Variants in JAKMIP1 observed in about 807,000 individuals in gnomAD.
JAKMIP1 encodes the protein janus kinase and microtubule-interacting protein 1.
Under a neutral mutation model 113.0 loss-of-function variants are expected in JAKMIP1, and 33 were observed. The observed-to-expected ratio is 0.29, with a 90% CI of 0.22 to 0.39. JAKMIP1 has a LOEUF of 0.39. Among genes scored for constraint, JAKMIP1 ranks in the 10% least tolerant of loss-of-function variants. JAKMIP1 has a pLI of 1.00. For missense variants in JAKMIP1, 813 were observed against 1,080.5 expected (o/e 0.75, Z 3.47); for synonymous variants, 480 against 459.9 (o/e 1.04, Z -0.56).
chr4:6,193,890 C>T lies in JAKMIP1; in HGVS notation c.-148+6363G>A, dbSNP rs374427550. Among the ~76,000 whole-genome samples the T allele has an allele frequency of 1.1e-4, 17 of 152,292 alleles. No homozygotes were observed. The South Asian group carries it at 1.2e-3, about 11-fold the overall frequency. On this transcript the variant is annotated intron_variant, in intron 1 of 20. Coordinates refer to ENST00000409021, the MANE Select transcript of JAKMIP1 (RefSeq NM_001099433.2). This position sits in a 1 kb window ranked among gnomAD's most constrained non-coding sequence, Gnocchi z 6.4. ...CCAACACCAGCCGCAAAGGTGAGAA[C>T]GACCCCAATGTCCATCCACAGATGA...
Position 6,042,194 on chromosome 4 carries a change from G to T in JAKMIP1, c.2062C>A (p.Leu688Met). The part of the protein sequence containing the change: ...LKQIEGTEAA[L>M]TQKMLDLEKE... ...TCCAGGTCCAGCATCTTCTGGGTCA[G>T]GGCGGCCTCGGTCCCCTCTATTTGC... Residue 688 changes from leucine to methionine, a missense_variant, in exon 17 of 21, where the codon CTG (leucine) becomes ATG (methionine). Physicochemically the swap from Leu to Met is conservative, Grantham distance 15. Transcript: ENST00000409021. This position sits in a 1 kb window ranked among gnomAD's most constrained non-coding sequence, Gnocchi z 5.2. 1 of 1,613,888 alleles carries T rather than the reference G, an allele frequency of 6.2e-7. No homozygotes were observed. The highest frequency in any genetic ancestry group is 8.5e-7 in the Non-Finnish European group (1 of 1,179,872).
chr4:6,141,901 C>T lies in JAKMIP1; in HGVS notation c.-147-28904G>A, dbSNP rs745851570. Among the ~76,000 whole-genome samples, 13 of 152,118 alleles carry T rather than the reference C, an allele frequency of 8.5e-5. No homozygotes were observed. The highest frequency in any genetic ancestry group is 2.1e-4 in the South Asian group (1 of 4,826). On this transcript the variant is annotated intron_variant, in intron 1 of 20. Coordinates refer to ENST00000409021, the MANE Select transcript of JAKMIP1 (RefSeq NM_001099433.2). The surrounding 1 kb of genome is among the most constrained non-coding windows in gnomAD (Gnocchi z 9.4). ...GCTTACGCTTCCTAAGGGCGTTAAC[C>T]GTCTCTCTCTCATTTTAAAAATCAA...
In JAKMIP1 at chr4:6,184,967, T is replaced by C. The variant is rs1646333866; in HGVS notation, c.-148+15286A>G. On this transcript the variant is annotated intron_variant, in intron 1 of 20. Coordinates refer to ENST00000409021, the MANE Select transcript of JAKMIP1 (RefSeq NM_001099433.2). The surrounding 1 kb of genome is among the most constrained non-coding windows in gnomAD (Gnocchi z 4.5). ...CTTGCTGAGTCTTCCGGCCTCCATC[T>C]TTCTCCCGTGCTGGATGCTTCCTCC... 6.6e-6 allele frequency among the ~76,000 whole-genome samples: 1 copy of C among 152,158 alleles called. No homozygotes were observed. Among genetic ancestry groups the C allele is most frequent in the African/African-American group, 2.4e-5 (1 of 41,442 alleles).
At chr4:6,144,168 C>A (rs951278023) in intron 1 of JAKMIP1, among the ~76,000 whole-genome samples, 1 of 152,208 alleles carries the variant, frequency 6.6e-6, no homozygotes, top group Non-Finnish European at 1.5e-5. Context: ...AAAGCCCTGG[C>A]CTTGTCAGCC....
intron 1 of JAKMIP1, among the ~76,000 whole-genome samples, chr4:6,170,271 CCACCAT>C (rs1332056118): frequency 9.6e-5 from 14 of 145,684 alleles, no homozygotes; most frequent in African/African-American, 2.6e-4. Context: ...ACCACCACCA[CCACCAT>C]CACCACCACC....
At position 6,184,617 on chromosome 4, in the gene JAKMIP1, C is replaced by T. The variant is rs1337591912; in HGVS notation, c.-148+15636G>A. 2.0e-5 allele frequency among the ~76,000 whole-genome samples: 3 copies of T among 152,194 alleles called. No individual in the cohort carries two copies. Among genetic ancestry groups the T allele is most frequent in the African/African-American group, 4.8e-5 (2 of 41,438 alleles). ...CACTCTAGGAAACAAGGGTCCCCCG[C>T]GCTCACCTGTAGATTCAGCAAGAGA... On this transcript the variant is annotated intron_variant, in intron 1 of 20. Transcript: ENST00000409021. This position sits in a 1 kb window ranked among gnomAD's most constrained non-coding sequence, Gnocchi z 4.5.
chr4:6,079,586 C>T lies in JAKMIP1; in HGVS notation c.1242+586G>A, dbSNP rs55993788. The stretch of plus-strand genomic sequence containing the variant: ...CCAACTAAAGCTCCCTGCAGGTGTT[C>T]TCTGCCTGTTGCCGAAGTTCCTTTC... On this transcript the variant is annotated intron_variant, in intron 7 of 20. Coordinates refer to ENST00000409021, the MANE Select transcript of JAKMIP1 (RefSeq NM_001099433.2). 5.5e-3 allele frequency among the ~76,000 whole-genome samples: 844 copies of T among 152,330 alleles called. 4 individuals are homozygous for T. Among genetic ancestry groups the T allele is most frequent in the South Asian group, 0.011 (53 of 4,816 alleles).
chr4:6,051,100 G>C lies in JAKMIP1; in HGVS notation c.1807-421C>G, dbSNP rs1201198501. 6.6e-6 allele frequency among the ~76,000 whole-genome samples: 1 copy of C among 152,230 alleles called. No homozygotes were observed. On this transcript the variant is annotated intron_variant, in intron 13 of 20. Coordinates refer to ENST00000409021, the MANE Select transcript of JAKMIP1 (RefSeq NM_001099433.2). The surrounding 1 kb of genome is among the most constrained non-coding windows in gnomAD (Gnocchi z 5.0). ...ATCCTCACACTACCCCAGGAGGCAG[G>C]CTCATTGCTTTCATTCTGTAGACAA...
intron 11 of JAKMIP1, 72 bp from the exon 12 acceptor site, chr4:6,056,831 G>A: frequency 9.8e-7 from 1 of 1,020,588 alleles, no homozygotes; most frequent in Non-Finnish European, 1.5e-6. Flanking sequence ...CTTTTAGTGA[G>A]AAAGGTCACT....
intron 1 of JAKMIP1, among the ~76,000 whole-genome samples, chr4:6,121,409 C>T (rs916834917): frequency 5.3e-5 from 8 of 152,172 alleles, no homozygotes; most frequent in Admixed American, 6.5e-5. Context: ...GAGACCAATA[C>T]TCTCTTGCCT....
rs1186648738 is a variant in JAKMIP1 at position 6,097,673 on chromosome 4, G to T, written c.624+7800C>A. Among the ~76,000 whole-genome samples the T allele has an allele frequency of 2.6e-5, 4 of 152,136 alleles. No individual in the cohort carries two copies. Among genetic ancestry groups the T allele is most frequent in the African/African-American group, 9.7e-5 (4 of 41,416 alleles). ...ACCTTTGGAAAACTCCATAAGGATGGGGGAAGCTTTACAGATCACTTCCCC... is the reference window on the plus strand; with the variant it reads ...ACCTTTGGAAAACTCCATAAGGATGTGGGAAGCTTTACAGATCACTTCCCC... On this transcript the variant is annotated intron_variant, in intron 3 of 20. Coordinates refer to ENST00000409021, the MANE Select transcript of JAKMIP1 (RefSeq NM_001099433.2). This position sits in a 1 kb window ranked among gnomAD's most constrained non-coding sequence, Gnocchi z 4.3.
At chr4:6,073,931 C>G (rs73073466) in intron 8 of JAKMIP1, among the ~76,000 whole-genome samples, 2,520 of 152,348 alleles carry the variant, frequency 0.017, 56 homozygotes, top group African/African-American at 0.056. Flanking sequence ...TTCCAATAGC[C>G]TGCAACACAA....
rs138500982 is a variant in JAKMIP1 at position 6,041,697 on chromosome 4, A to G, written c.2097+462T>C. On this transcript the variant is annotated intron_variant, in intron 17 of 20. Transcript: ENST00000409021. ...ACAGACTGGAATTTCCCATTCATCA[A>G]TGAGAAAACTAAAGTCCAGTTTCCC... Among the ~76,000 whole-genome samples the G allele has an allele frequency of 1.9e-4, 29 of 152,356 alleles. No individual in the cohort carries two copies. In the East Asian group the frequency reaches 4.8e-3, roughly 25 times the overall value.
rs747269016 is a variant in JAKMIP1 at position 6,141,581 on chromosome 4, C to T, written c.-147-28584G>A. Among the ~76,000 whole-genome samples, 3 of 152,210 alleles carry T rather than the reference C, an allele frequency of 2.0e-5. No individual in the cohort carries two copies. Among genetic ancestry groups the T allele is most frequent in the Non-Finnish European group, 2.9e-5 (2 of 68,042 alleles). ...CCCCCATAAATAATTTTATGGGCAA[C>T]AGCACCTATGCCCCAGGGCCTGGCC... On this transcript the variant is annotated intron_variant, in intron 1 of 20. Coordinates refer to ENST00000409021, the MANE Select transcript of JAKMIP1 (RefSeq NM_001099433.2). This position sits in a 1 kb window ranked among gnomAD's most constrained non-coding sequence, Gnocchi z 9.4.
At chr4:6,198,285 C>G (rs1019274287) in intron 1 of JAKMIP1, among the ~76,000 whole-genome samples, 10 of 151,250 alleles carry the variant, frequency 6.6e-5, no homozygotes, top group African/African-American at 2.4e-4. Context: ...TCGTTCTCCA[C>G]ATACTCAAGG....
At chr4:6,041,202 A>T (rs754604139) in intron 17 of JAKMIP1, among the ~76,000 whole-genome samples, 1 of 152,104 alleles carries the variant, frequency 6.6e-6, no homozygotes, top group South Asian at 2.1e-4. Context: ...TGCAAGCATG[A>T]TCTCTCCGGA....
chr4:6,095,565 C>T (rs149166977), intron 3 of JAKMIP1, among the ~76,000 whole-genome samples: 1 of 152,220 alleles, frequency 6.6e-6, no homozygotes, highest in African/African-American at 2.4e-5. Context: ...TTCCCAAGTC[C>T]CTATAGCTTG....
chr4:6,077,896 C>T (rs758731717), intron 8 of JAKMIP1, among the ~76,000 whole-genome samples: 9 of 152,168 alleles, frequency 5.9e-5, no homozygotes, highest in Non-Finnish European at 8.8e-5. Flanking sequence ...CTGATGCCAT[C>T]GGTCCACCTT....
intron 18 of JAKMIP1, among the ~76,000 whole-genome samples, chr4:6,039,613 G>A (rs1714047613): frequency 6.6e-6 from 1 of 152,134 alleles, no homozygotes; most frequent in Non-Finnish European, 1.5e-5. Context: ...CTACTGAAAT[G>A]TCGTGTAACC....
Sources: gnomAD v4.1 joint callset for allele counts (sites outside exome capture counted in the v4.1 genomes callset) on GRCh38, gnomAD v4.1.1 for gene constraint, Gnocchi (gnomAD v3.1) non-coding constraint, MANE v1.5 for transcripts, NCBI Gene and HGNC (gene_info 2026-07-23, HGNC 2026-07-21) for gene names.